CNKSR2: variants seen among roughly 807,000 people sequenced by gnomAD.
CNKSR2 encodes the protein connector enhancer of kinase suppressor of Ras 2, also known as CNK homolog protein 2.
CNKSR2 carries 14 observed loss-of-function variants against 84.4 expected under a neutral mutation model. That is an observed-to-expected ratio of 0.17 (90% CI 0.11 to 0.26). The LOEUF (loss-of-function observed/expected upper bound fraction) is 0.26, where lower values mean the gene tolerates loss of function less well. Among genes scored for constraint, CNKSR2 ranks in the 10% least tolerant of loss-of-function variants. CNKSR2 has a pLI of 1.00. For missense variants in CNKSR2, 485 were observed against 771.2 expected (o/e 0.63, Z 4.40); for synonymous variants, 275 against 277.9 (o/e 0.99, Z 0.10).
intron 5 of CNKSR2, among the ~76,000 whole-genome samples, chrX:21,481,132 A>G (rs2091315177): frequency 8.9e-6 from 1 of 111,992 alleles, no homozygotes; most frequent in African/African-American, 3.2e-5. Context: ...TTAGAAGAAT[A>G]CTTAGAATAT....
intron 20 of CNKSR2, chrX:21,637,181 G>T (rs1394771227): frequency 9.0e-6 from 1 of 111,252 alleles, no homozygotes; most frequent in East Asian, 2.8e-4. Flanking sequence ...GTCATAAATG[G>T]CACTCTAAGG....
intron 1 of CNKSR2, among the ~76,000 whole-genome samples, chrX:21,411,743 G>A (rs142496474): frequency 1.6e-4 from 18 of 110,891 alleles, no homozygotes; most frequent in African/African-American, 5.9e-4. Context: ...ACCATATTAT[G>A]GGCTCCTGGA....
intron 11 of CNKSR2, among the ~76,000 whole-genome samples, chrX:21,540,697 A>C (rs2091968998): frequency 8.9e-6 from 1 of 111,742 alleles, no homozygotes; most frequent in Non-Finnish European, 1.9e-5. Context: ...ACCTTGAAGT[A>C]TGTGAATTTA....
intron 18 of CNKSR2, among the ~76,000 whole-genome samples, chrX:21,604,128 G>A (rs2092501413): frequency 8.9e-6 from 1 of 111,866 alleles, no homozygotes; most frequent in African/African-American, 3.2e-5. Flanking sequence ...AAATTTCTAT[G>A]TAGCCTCTTC....
intron 1 of CNKSR2, among the ~76,000 whole-genome samples, chrX:21,386,189 A>C (rs960511295): frequency 9.0e-6 from 1 of 111,609 alleles, no homozygotes; most frequent in African/African-American, 3.3e-5. Context: ...TTTACTCAGC[A>C]GTGGTTAGCC....
chrX:21,579,641 T>G, intron 13 of CNKSR2, among the ~76,000 whole-genome samples: 1 of 112,323 alleles, frequency 8.9e-6, no homozygotes, highest in South Asian at 3.7e-4. Flanking sequence ...AAATGTTTTT[T>G]GATATTGTAT....
At chrX:21,479,750 G>A (rs1418190923) in intron 5 of CNKSR2, among the ~76,000 whole-genome samples, 1 of 110,437 alleles carries the variant, frequency 9.1e-6, no homozygotes, top group African/African-American at 3.3e-5. Context: ...CTTATCCACA[G>A]TTGCCAGGCA....
rs1337336452 is a variant in CNKSR2, at chrX:21,654,288, A to AC, written c.*1767_*1768insC. 35 of 106,831 alleles carry AC rather than the reference A, an allele frequency of 3.3e-4. No individual in the cohort carries two copies. The highest frequency in any genetic ancestry group is 1.5e-3 in the East Asian group (5 of 3,391). The allele number at this position is 106,831 out of a possible 1,213,427, so 8.8% of individuals were successfully genotyped here. On this transcript the variant is annotated 3_prime_UTR_variant, in exon 22 of 22. Transcript: ENST00000379510. ...TTGTATATGTAAAAAAAAAAAAAAAAAAAAAACAAAAAACCTCTTGTCCTA... is the reference window on the plus strand; with the variant it reads ...TTGTATATGTAAAAAAAAAAAAAAAACAAAAAACAAAAAACCTCTTGTCCTA...
At chrX:21,562,832 GTTTGTTATTGGGC>G (rs1321962744) in intron 12 of CNKSR2, among the ~76,000 whole-genome samples, 1 of 110,936 alleles carries the variant, frequency 9.0e-6, no homozygotes, top group Non-Finnish European at 1.9e-5. Context: ...ACGGGCCGGT[GTTTGTTATTGGGC>G]TTTGGCAAAA....
chrX:21,416,765 T>C (rs1394770982), intron 1 of CNKSR2, among the ~76,000 whole-genome samples: 1 of 111,717 alleles, frequency 9.0e-6, no homozygotes, highest in Non-Finnish European at 1.9e-5. Flanking sequence ...ATTTCTGCAG[T>C]ATCAAGTGTA....
chrX:21,543,383 C>G (rs1435431312), intron 11 of CNKSR2, among the ~76,000 whole-genome samples: 1 of 112,387 alleles, frequency 8.9e-6, no homozygotes, highest in African/African-American at 3.2e-5. Context: ...ATTCTTATTC[C>G]TTTAGACTTA....
intron 8 of CNKSR2, chrX:21,504,939 G>A (rs1334853773): frequency 7.1e-6 from 2 of 283,425 alleles, no homozygotes; most frequent in African/African-American, 5.6e-5. Context: ...CTCCTCAAAG[G>A]CTGCTGGAAT....
chrX:21,448,838 G>C (rs1387036151), intron 4 of CNKSR2, among the ~76,000 whole-genome samples: 1 of 111,770 alleles, frequency 8.9e-6, no homozygotes, highest in Non-Finnish European at 1.9e-5. Context: ...GGTTGGGTCA[G>C]AATGACCACC....
intron 13 of CNKSR2, among the ~76,000 whole-genome samples, chrX:21,588,554 T>C (rs1251281112): frequency 8.9e-6 from 1 of 112,180 alleles, no homozygotes; most frequent in Non-Finnish European, 1.9e-5. Flanking sequence ...GATGGATAAA[T>C]CTGTATTTAA....
At chrX:21,615,261 A>G (rs917680010) in intron 20 of CNKSR2, among the ~76,000 whole-genome samples, 4 of 112,360 alleles carry the variant, frequency 3.6e-5, no homozygotes, top group Admixed American at 9.5e-5. Flanking sequence ...TTTTGGCTCT[A>G]TTGAAATGTT....
At chrX:21,388,392 T>C (rs1212686288) in intron 1 of CNKSR2, among the ~76,000 whole-genome samples, 1 of 111,894 alleles carries the variant, frequency 8.9e-6, no homozygotes, top group Non-Finnish European at 1.9e-5. Flanking sequence ...CTATTGAACA[T>C]TTGAAAGTCA....
chrX:21,640,192 T>C (rs2092687088), intron 20 of CNKSR2, among the ~76,000 whole-genome samples: 1 of 111,571 alleles, frequency 9.0e-6, no homozygotes, highest in South Asian at 3.8e-4. Flanking sequence ...AATTAAAAGG[T>C]TCATGTAACC....
intron 20 of CNKSR2, among the ~76,000 whole-genome samples, chrX:21,629,583 G>A (rs889555592): frequency 1.5e-4 from 17 of 111,624 alleles, no homozygotes; most frequent in African/African-American, 5.5e-4. Flanking sequence ...GAGAGCTTGT[G>A]CAGGGAAACT....
chrX:21,520,276 A>C (rs1373763639), intron 9 of CNKSR2, among the ~76,000 whole-genome samples: 1 of 111,164 alleles, frequency 9.0e-6, no homozygotes, highest in Non-Finnish European at 1.9e-5. Flanking sequence ...AATATCTGGA[A>C]GCTTTAATTC....
Sources: allele counts gnomAD v4.1 joint callset (sites outside exome capture counted in the v4.1 genomes callset), GRCh38; gene constraint gnomAD v4.1.1; transcripts MANE v1.5; gene names NCBI Gene and HGNC (gene_info 2026-07-23, HGNC 2026-07-21).